Variants in CLIC5 observed in about 807,000 individuals in gnomAD.
CLIC5 encodes CLIC family member 5, also known as chloride intracellular channel protein 5.
In CLIC5, 20 loss-of-function variants were observed where a neutral mutation model predicts 24.7. The observed-to-expected ratio is 0.81, with a 90% CI of 0.57 to 1.18. The LOEUF is 1.18. CLIC5 is among the 50% of genes most tolerant of loss of function. The pLI is 0.00. For missense variants in CLIC5, 341 were observed against 326.1 expected, an observed-to-expected ratio of 1.05 and a Z score of -0.35; for synonymous variants, 159 against 135.6, an observed-to-expected ratio of 1.17 and a Z score of -1.20.
At position 45,900,741 on chromosome 6, in the gene CLIC5, T is replaced by C. The variant is rs1762489859; in HGVS notation, c.*2347A>G. The C allele has an allele frequency of 2.0e-5, 3 of 152,194 alleles. No homozygotes were observed. Among genetic ancestry groups the C allele is most frequent in the Admixed American group, 6.5e-5 (1 of 15,270 alleles). 9.4% of individuals were successfully genotyped at this position (152,194 alleles called of 1,614,324 possible). ...CTCTCTTTCAAATGGCTATCATTGA[T>C]CATATAACACCCCCACCTCCTTGTC... On this transcript the variant is annotated 3_prime_UTR_variant, in exon 6 of 6. Coordinates refer to ENST00000339561, the MANE Select transcript of CLIC5 (RefSeq NM_016929.5).
At chr6:46,081,377 C>T (rs1328434564), upstream of CLIC5, among the ~76,000 whole-genome samples, 2 of 152,192 alleles carry the variant, frequency 1.3e-5, no homozygotes, top group Non-Finnish European at 2.9e-5. Flanking sequence ...AACTGTGAAG[C>T]AATGCAACTC....
At chr6:46,072,357 T>C (rs1385071340) in intron 1 of CLIC5, among the ~76,000 whole-genome samples, 1 of 151,486 alleles carries the variant, frequency 6.6e-6, no homozygotes, top group Non-Finnish European at 1.5e-5. Flanking sequence ...GTGGTCAAGA[T>C]GACACTGATC....
chr6:45,971,445 G>A (rs1321575115), intron 1 of CLIC5, among the ~76,000 whole-genome samples: 1 of 152,158 alleles, frequency 6.6e-6, no homozygotes, highest in African/African-American at 2.4e-5. Flanking sequence ...TCTTAAGCCA[G>A]GGTGAGCCAA....
At chr6:45,989,451 A>G (rs1229872538) in intron 1 of CLIC5, among the ~76,000 whole-genome samples, 1 of 152,168 alleles carries the variant, frequency 6.6e-6, no homozygotes, top group Non-Finnish European at 1.5e-5. Flanking sequence ...CCAAATTGAA[A>G]TGTAGATCAA....
At chr6:46,020,935 G>A (rs1006567142) in intron 1 of CLIC5, among the ~76,000 whole-genome samples, 1 of 151,632 alleles carries the variant, frequency 6.6e-6, no homozygotes, top group Non-Finnish European at 1.5e-5. Flanking sequence ...AGCCCTCCAA[G>A]AAAAGAAAAC....
the CLIC5 span, among the ~76,000 whole-genome samples, chr6:46,093,676 G>A: frequency 6.6e-6 from 1 of 152,160 alleles, no homozygotes; most frequent in Non-Finnish European, 1.5e-5. Context: ...CTGTTGGTAG[G>A]AATGTAAGAT....
chr6:45,922,883 C>A (rs1050014092), intron 4 of CLIC5, among the ~76,000 whole-genome samples: 8 of 146,044 alleles, frequency 5.5e-5, no homozygotes, highest in Admixed American at 4.8e-4. Context: ...GAGGAAGCTG[C>A]AGAGCTAGCG....
intron 4 of CLIC5, 137 bp downstream of exon 4, chr6:45,941,410 G>A (rs202045963): frequency 2.9e-6 from 2 of 678,288 alleles, no homozygotes; most frequent in Non-Finnish European, 2.6e-6. Context: ...GGCGGGGGGT[G>A]GGGGCAAATA....
intron 1 of CLIC5, among the ~76,000 whole-genome samples, chr6:46,052,848 TTC>T (rs1434784912): frequency 1.3e-5 from 2 of 151,908 alleles, no homozygotes; most frequent in Non-Finnish European, 2.9e-5. Context: ...GGTAAAGACT[TTC>T]TCTTTCTGGC....
chr6:46,073,147 T>C (rs1762664259), intron 1 of CLIC5, among the ~76,000 whole-genome samples: 2 of 152,302 alleles, frequency 1.3e-5, no homozygotes, highest in Non-Finnish European at 2.9e-5. Context: ...CCAGTTCATA[T>C]GGGCACCTAG....
the CLIC5 span, among the ~76,000 whole-genome samples, chr6:46,090,055 A>G: frequency 1.5e-4 from 23 of 152,332 alleles, no homozygotes; most frequent in Middle Eastern, 6.8e-3. Flanking sequence ...TTCTAGCACT[A>G]AAATTTGCTT....
At chr6:45,962,745 G>A (rs1764893314) in intron 1 of CLIC5, among the ~76,000 whole-genome samples, 2 of 152,166 alleles carry the variant, frequency 1.3e-5, no homozygotes, top group African/African-American at 2.4e-5. Context: ...GACTTAGCGG[G>A]CTCCTTGGTT....
the CLIC5 span, among the ~76,000 whole-genome samples, chr6:46,101,634 T>G: frequency 7.9e-5 from 12 of 152,340 alleles, no homozygotes; most frequent in East Asian, 2.3e-3. Context: ...ATTTGGCTAT[T>G]ATCTCTCACT....
chr6:46,005,139 A>T (rs1766504089), intron 1 of CLIC5, among the ~76,000 whole-genome samples: 1 of 152,196 alleles, frequency 6.6e-6, no homozygotes, highest in Admixed American at 6.5e-5. Context: ...CCCAAATTGG[A>T]TGTTTAAGAG....
At chr6:46,069,146 G>A (rs1176031460) in intron 1 of CLIC5, among the ~76,000 whole-genome samples, 1 of 152,136 alleles carries the variant, frequency 6.6e-6, no homozygotes, top group Non-Finnish European at 1.5e-5. Context: ...GCTAGTGAAT[G>A]TTTTTAAGAC....
intron 1 of CLIC5, among the ~76,000 whole-genome samples, chr6:46,031,708 T>A (rs1767503633): frequency 1.3e-5 from 2 of 151,796 alleles, no homozygotes; most frequent in South Asian, 4.2e-4. Flanking sequence ...AGGAGATCAA[T>A]GGGGTACATT....
At chr6:46,030,176 A>G (rs551869642) in intron 1 of CLIC5, among the ~76,000 whole-genome samples, 1 of 152,238 alleles carries the variant, frequency 6.6e-6, no homozygotes, top group South Asian at 2.1e-4. Context: ...TATTTCCAAG[A>G]TAGTGCACTA....
intron 1 of CLIC5, among the ~76,000 whole-genome samples, chr6:46,079,122 A>G (rs2022423): frequency 0.34 from 52,186 of 152,104 alleles, 9,182 homozygotes; most frequent in Middle Eastern, 0.47. Flanking sequence ...ATCTAATACA[A>G]AGATCACCAA....
chr6:46,071,654 C>A lies in CLIC5; in HGVS notation c.540+8049G>T, dbSNP rs111401736. 3.0e-4 allele frequency among the ~76,000 whole-genome samples: 45 copies of A among 152,174 alleles called. No homozygotes were observed. In the South Asian group the frequency reaches 9.3e-3, roughly 32 times the overall value. On this transcript the variant is annotated intron_variant, in intron 1 of 5. Coordinates refer to the CLIC5 transcript ENST00000185206. The stretch of plus-strand genomic sequence containing the variant: ...TTGATTAGAGTGTAAGTTAGTTCAG[C>A]CTTTGTGGAAAGCAGTGTGGTGGTG...
Sources: allele counts gnomAD v4.1 joint callset (sites outside exome capture counted in the v4.1 genomes callset), GRCh38; gene constraint gnomAD v4.1.1; transcripts MANE v1.5; gene names NCBI Gene and HGNC (gene_info 2026-07-23, HGNC 2026-07-21).